The following AGAP1 variants were observed in gnomAD, a reference collection of about 807,000 sequenced individuals.
AGAP1 encodes the protein ArfGAP with GTPase domain, ankyrin repeat and PH domain 1.
AGAP1 carries 29 observed loss-of-function variants against 105.3 expected under a neutral mutation model. The ratio of observed to expected loss-of-function variants is 0.28; its 90% CI spans 0.21 to 0.38. The LOEUF is 0.38. AGAP1 is among the 10% of genes least tolerant of loss of function. The pLI, the probability that AGAP1 is intolerant of heterozygous loss-of-function variation, is 1.00. For missense variants in AGAP1, 998 were observed against 1,165.1 expected (o/e 0.86, Z 2.09); for synonymous variants, 509 against 485.9 (o/e 1.05, Z -0.63).
chr2:235,543,215 C>G (rs1574812404), intron 1 of AGAP1, among the ~76,000 whole-genome samples: 2 of 150,016 alleles, frequency 1.3e-5, no homozygotes, highest in East Asian at 4.0e-4. Context: ...GTCATATCAT[C>G]ACAGTCATCA....
chr2:235,745,779 T>A (rs917689676), intron 5 of AGAP1, among the ~76,000 whole-genome samples: 1 of 152,166 alleles, frequency 6.6e-6, no homozygotes, highest in Non-Finnish European at 1.5e-5. Flanking sequence ...GGCAGATGAT[T>A]GGCTGCTTGA....
At position 235,959,583 on chromosome 2, in the gene AGAP1, C is replaced by G. The variant is rs2054096037; in HGVS notation, c.1484-8879C>G. 6.6e-6 allele frequency among the ~76,000 whole-genome samples: 1 copy of G among 152,074 alleles called. No homozygotes were observed. Among genetic ancestry groups the G allele is most frequent in the African/African-American group, 2.4e-5 (1 of 41,402 alleles). On this transcript the variant is annotated intron_variant, in intron 12 of 17. Transcript: ENST00000304032. This position sits in a 1 kb window ranked among gnomAD's most constrained non-coding sequence, Gnocchi z 7.3. ...CCTCCAGGTGGGTCCTCTCTGGTCGCTCCTCACTGGTCTTGAGTCCCAGGT... is the reference window on the plus strand; with the variant it reads ...CCTCCAGGTGGGTCCTCTCTGGTCGGTCCTCACTGGTCTTGAGTCCCAGGT...
At chr2:235,859,016 A>C (rs968545423) in intron 9 of AGAP1, among the ~76,000 whole-genome samples, 4 of 152,250 alleles carry the variant, frequency 2.6e-5, no homozygotes, top group African/African-American at 9.6e-5. Flanking sequence ...CTTAAGAAAA[A>C]TTGGGCAGCC....
In AGAP1 at chr2:236,056,374, C is replaced by T. The variant is rs13404262; in HGVS notation, c.2114+7093C>T. 5.7e-3 allele frequency among the ~76,000 whole-genome samples: 871 copies of T among 152,258 alleles called. 8 individuals carry two copies. The highest frequency in any genetic ancestry group is 0.02 in the African/African-American group (817 of 41,550). On this transcript the variant is annotated intron_variant, in intron 16 of 17. Transcript: ENST00000304032. This position sits in a 1 kb window ranked among gnomAD's most constrained non-coding sequence, Gnocchi z 4.6. The stretch of plus-strand genomic sequence containing the variant: ...TCCTTATCATTTACGTTCTGAAATA[C>T]GGCCGTCGTGACAATTAAGGAGTTT...
At chr2:235,902,865 A>G (rs1170041431) in intron 10 of AGAP1, among the ~76,000 whole-genome samples, 1 of 152,228 alleles carries the variant, frequency 6.6e-6, no homozygotes, top group Non-Finnish European at 1.5e-5. Context: ...TCAAAGGTCG[A>G]AATGTTTAAA....
At position 235,807,228 on chromosome 2, in the gene AGAP1, T is replaced by A. The variant is rs1957883529; in HGVS notation, c.958-11T>A. ...CCTTACCCAGATGCCAACTTTCCTT[T>A]TGCTTTGCAGTCTCGGAAAGGGAGC... is the stretch of plus-strand genomic sequence containing the variant. On this transcript the variant is annotated splice_polypyrimidine_tract_variant and intron_variant, in intron 8 of 17. Coordinates refer to ENST00000304032, the MANE Select transcript of AGAP1 (RefSeq NM_001037131.3). 6.2e-7 allele frequency: 1 copy of A among 1,609,066 alleles called. No individual in the cohort carries two copies. Among genetic ancestry groups the A allele is most frequent in the Non-Finnish European group, 8.5e-7 (1 of 1,178,764 alleles).
intron 6 of AGAP1, among the ~76,000 whole-genome samples, chr2:235,785,452 G>A (rs1201693373): frequency 1.3e-5 from 2 of 152,140 alleles, no homozygotes; most frequent in Non-Finnish European, 1.5e-5. Context: ...TTTCAAAATC[G>A]ACTTTTGGCC....
chr2:235,998,699 GTGA>G (rs2055925267), intron 13 of AGAP1, among the ~76,000 whole-genome samples: 1 of 83,250 alleles, frequency 1.2e-5, no homozygotes, highest in African/African-American at 3.4e-5. Flanking sequence ...GGTGGTAGCA[GTGA>G]TGATGATAGT....
In AGAP1 at chr2:235,951,145, G is replaced by A. The variant is rs1196904716; in HGVS notation, c.1484-17317G>A. ...TGATTTCTTATTTTGTGGAAAATACGAAATAAAGAAGACACATTTGGCCAC... is the reference window on the plus strand; with the variant it reads ...TGATTTCTTATTTTGTGGAAAATACAAAATAAAGAAGACACATTTGGCCAC... On this transcript the variant is annotated intron_variant, in intron 12 of 17. Transcript: ENST00000304032. The surrounding 1 kb of genome is among the most constrained non-coding windows in gnomAD (Gnocchi z 4.2). Among the ~76,000 whole-genome samples, 4 of 152,096 alleles carry A rather than the reference G, an allele frequency of 2.6e-5. No homozygotes were observed. Among genetic ancestry groups the A allele is most frequent in the South Asian group, 2.1e-4 (1 of 4,824 alleles).
At chr2:236,030,089 A>G (rs1372026688) in intron 13 of AGAP1, among the ~76,000 whole-genome samples, 1 of 152,208 alleles carries the variant, frequency 6.6e-6, no homozygotes, top group East Asian at 1.9e-4. Context: ...TCAAGTCTAC[A>G]CTGTTATTTT....
chr2:235,778,400 C>G (rs1415224281), intron 6 of AGAP1, among the ~76,000 whole-genome samples: 1 of 152,196 alleles, frequency 6.6e-6, no homozygotes, highest in Non-Finnish European at 1.5e-5. Flanking sequence ...GTGTCTTTCT[C>G]AGACCACCAC....
At chr2:235,839,326 C>A (rs1960530692) in intron 9 of AGAP1, among the ~76,000 whole-genome samples, 1 of 152,216 alleles carries the variant, frequency 6.6e-6, no homozygotes, top group Non-Finnish European at 1.5e-5. Flanking sequence ...GGCACACATA[C>A]ACACGCACAC....
intron 13 of AGAP1, among the ~76,000 whole-genome samples, chr2:236,024,558 G>T (rs933726122): frequency 2.6e-5 from 4 of 152,088 alleles, no homozygotes; most frequent in African/African-American, 9.7e-5. Context: ...AATGTGAAAC[G>T]GTTTTCAGCT....
intron 16 of AGAP1, among the ~76,000 whole-genome samples, chr2:236,057,159 A>G (rs1338499840): frequency 6.6e-6 from 1 of 152,196 alleles, no homozygotes; most frequent in Middle Eastern, 3.2e-3. Context: ...CCCAGGCTAG[A>G]GTGCAGTGGT....
At chr2:235,563,098 G>C (rs1171093265) in intron 1 of AGAP1, among the ~76,000 whole-genome samples, 2 of 152,018 alleles carry the variant, frequency 1.3e-5, no homozygotes, top group African/African-American at 4.8e-5. Context: ...TTTGCCCTGG[G>C]GCTGCTGTGG....
rs1288814282 is a variant in AGAP1, at chr2:235,734,768, G to C, written c.311-6195G>C. ...GCTGCAAAACGCAGCAAACACGGAG[G>C]CTGCCGGCTTTGTTTCTGTAGGGCT... On this transcript the variant is annotated intron_variant, in intron 3 of 17. Coordinates refer to ENST00000304032, the MANE Select transcript of AGAP1 (RefSeq NM_001037131.3). This position sits in a 1 kb window ranked among gnomAD's most constrained non-coding sequence, Gnocchi z 5.3. Among the ~76,000 whole-genome samples, 1 of 152,224 alleles carries C rather than the reference G, an allele frequency of 6.6e-6. No individual in the cohort carries two copies. Among genetic ancestry groups the C allele is most frequent in the Non-Finnish European group, 1.5e-5 (1 of 68,034 alleles).
chr2:235,770,249 C>T (rs1206750485), intron 6 of AGAP1, among the ~76,000 whole-genome samples: 1 of 151,916 alleles, frequency 6.6e-6, no homozygotes, highest in Non-Finnish European at 1.5e-5. Context: ...TCTCCTGCCT[C>T]AGCCTCCCCA....
chr2:235,927,168 G>C lies in AGAP1; in HGVS notation c.1325-3597G>C, dbSNP rs1002253708. Among the ~76,000 whole-genome samples, 1 of 152,128 alleles carries C rather than the reference G, an allele frequency of 6.6e-6. No individual in the cohort carries two copies. The highest frequency in any genetic ancestry group is 2.4e-5 in the African/African-American group (1 of 41,428). ...GTGGGAAGTGGGTGTGGCTGGGGCTGGGGGGCCTTCACGAGCTATAGGGCT... is the reference window on the plus strand; with the variant it reads ...GTGGGAAGTGGGTGTGGCTGGGGCTCGGGGGCCTTCACGAGCTATAGGGCT... On this transcript the variant is annotated intron_variant, in intron 11 of 17. Transcript: ENST00000304032. This position sits in a 1 kb window ranked among gnomAD's most constrained non-coding sequence, Gnocchi z 4.4.
intron 8 of AGAP1, among the ~76,000 whole-genome samples, chr2:235,802,524 C>T (rs1008873284): frequency 2.0e-5 from 3 of 152,208 alleles, no homozygotes; most frequent in African/African-American, 7.2e-5. Flanking sequence ...AAAGAAGCTA[C>T]CACTGCAATA....
Sources: allele counts gnomAD v4.1 joint callset (sites outside exome capture counted in the v4.1 genomes callset), GRCh38; gene constraint gnomAD v4.1.1; non-coding constraint Gnocchi (gnomAD v3.1); transcripts MANE v1.5; gene names NCBI Gene and HGNC (gene_info 2026-07-23, HGNC 2026-07-21).